Variants in TRIM36 observed in about 807,000 individuals in gnomAD.
TRIM36 encodes the protein E3 ubiquitin-protein ligase TRIM36.
TRIM36 carries 42 observed loss-of-function variants against 72.4 expected under a neutral mutation model. The ratio of observed to expected loss-of-function variants is 0.58; its 90% CI spans 0.45 to 0.75. TRIM36 has a LOEUF of 0.75. Among genes scored for constraint, TRIM36 ranks in the 30% least tolerant of loss-of-function variants. The pLI is 0.00. For synonymous variants in TRIM36, 315 were observed against 282.8 expected (o/e 1.11, Z -1.14); for missense variants, 913 against 857.1 (o/e 1.07, Z -0.81).
chr5:115,160,144 C>T (rs965086628), intron 2 of TRIM36, among the ~76,000 whole-genome samples: 2 of 151,612 alleles, frequency 1.3e-5, no homozygotes, highest in African/African-American at 4.8e-5. Context: ...TTTATTTGTA[C>T]ATAATTTAAT....
intron 1 of TRIM36, among the ~76,000 whole-genome samples, chr5:115,168,063 A>G (rs1754887377): frequency 6.6e-6 from 1 of 152,094 alleles, no homozygotes; most frequent in Non-Finnish European, 1.5e-5. Context: ...CGAAAACAGC[A>G]TGGGGGAAAC....
chr5:115,151,512 C>T (rs372684368), intron 2 of TRIM36, among the ~76,000 whole-genome samples: 1 of 152,210 alleles, frequency 6.6e-6, no homozygotes, highest in East Asian at 1.9e-4. Flanking sequence ...CTGCCTGTTC[C>T]TCCCCCTACC....
chr5:115,148,055 A>AAT (rs1435040606), intron 2 of TRIM36, among the ~76,000 whole-genome samples: 3 of 152,238 alleles, frequency 2.0e-5, no homozygotes, highest in African/African-American at 7.2e-5. Context: ...AGTAGGGAAG[A>AAT]TCATTAGTTA....
chr5:115,169,112 G>A (rs1045568799), intron 1 of TRIM36: 1 of 154,894 alleles, frequency 6.5e-6, no homozygotes, highest in African/African-American at 2.4e-5. Flanking sequence ...CTTGTAGGCT[G>A]ACAGCTGCCG....
At chr5:115,179,426 C>T (rs1348767730) in intron 1 of TRIM36, among the ~76,000 whole-genome samples, 1 of 152,242 alleles carries the variant, frequency 6.6e-6, no homozygotes, top group Non-Finnish European at 1.5e-5. Flanking sequence ...GCAGCAGCAG[C>T]TAAGGACCTG....
intron 2 of TRIM36, among the ~76,000 whole-genome samples, chr5:115,151,034 C>T (rs965032019): frequency 1.3e-5 from 2 of 152,132 alleles, no homozygotes; most frequent in East Asian, 3.9e-4. Flanking sequence ...GCCTCCTGGC[C>T]ACAACTTGGG....
At chr5:115,127,459 G>T (rs975445309) in intron 9 of TRIM36, among the ~76,000 whole-genome samples, 1 of 152,210 alleles carries the variant, frequency 6.6e-6, no homozygotes, top group Non-Finnish European at 1.5e-5. Context: ...TACTTGGGAG[G>T]CTGAGGCATA....
At chr5:115,165,589 C>A (rs1475439328) in intron 1 of TRIM36, among the ~76,000 whole-genome samples, 1 of 152,220 alleles carries the variant, frequency 6.6e-6, no homozygotes, top group Non-Finnish European at 1.5e-5. Context: ...ATGGCAGCTG[C>A]AGCCCATCTG....
intron 7 of TRIM36, among the ~76,000 whole-genome samples, chr5:115,136,235 T>C (rs1377334751): frequency 6.6e-6 from 1 of 151,990 alleles, no homozygotes; most frequent in East Asian, 1.9e-4. Context: ...ATCAGGTCAT[T>C]AGAATGGGCC....
At chr5:115,131,949 G>A in intron 8 of TRIM36, among the ~76,000 whole-genome samples, 1 of 152,106 alleles carries the variant, frequency 6.6e-6, no homozygotes, top group East Asian at 1.9e-4. Flanking sequence ...GGAGGTAAAA[G>A]TGGTGATATT....
upstream of TRIM36, among the ~76,000 whole-genome samples, chr5:115,170,915 C>A (rs1267789214): frequency 6.6e-6 from 1 of 152,258 alleles, no homozygotes; most frequent in Non-Finnish European, 1.5e-5. Flanking sequence ...ATTTCACCTG[C>A]CACGGCCCAA....
chr5:115,171,124 A>T (rs1468614970), upstream of TRIM36: 4 of 1,613,934 alleles, frequency 2.5e-6, no homozygotes, highest in Non-Finnish European at 8.5e-7. Context: ...AATGCTTCCC[A>T]CTTTTATTTC....
intron 7 of TRIM36, among the ~76,000 whole-genome samples, chr5:115,136,305 C>CACACAA (rs55682764): frequency 2.0e-5 from 3 of 152,180 alleles, no homozygotes; most frequent in South Asian, 2.1e-4. Flanking sequence ...CTCACACACA[C>CACACAA]ACAGAGGACC....
intron 1 of TRIM36, among the ~76,000 whole-genome samples, chr5:115,176,201 T>C (rs1755331497): frequency 6.6e-6 from 1 of 152,256 alleles, no homozygotes; most frequent in Non-Finnish European, 1.5e-5. Context: ...AGTTTAGATT[T>C]TAGTTGTGTG....
At chr5:115,131,983 A>G (rs1307362698) in intron 8 of TRIM36, among the ~76,000 whole-genome samples, 1 of 152,180 alleles carries the variant, frequency 6.6e-6, no homozygotes, top group Non-Finnish European at 1.5e-5. Flanking sequence ...AAATGTACTT[A>G]ATGCCAATGA....
At chr5:115,177,885 G>C (rs754409668) in intron 1 of TRIM36, 26 of 1,613,470 alleles carry the variant, frequency 1.6e-5, no homozygotes, top group Admixed American at 3.3e-5. Flanking sequence ...AGTGAAGAGA[G>C]AGACAGAGAG....
chr5:115,171,402 G>C (rs886706169), upstream of TRIM36, among the ~76,000 whole-genome samples: 1 of 152,224 alleles, frequency 6.6e-6, no homozygotes, highest in Non-Finnish European at 1.5e-5. Context: ...ACTTGGGAAG[G>C]CTTCCTTCCC....
At chr5:115,164,475 A>T (rs1185250720) in intron 1 of TRIM36, among the ~76,000 whole-genome samples, 1 of 152,210 alleles carries the variant, frequency 6.6e-6, no homozygotes, top group Non-Finnish European at 1.5e-5. Flanking sequence ...GAAACTTACA[A>T]TCATGGCAGA....
At chr5:115,133,810 G>T in intron 8 of TRIM36, 50 bp downstream of exon 8, 4 of 1,507,966 alleles carry the variant, frequency 2.7e-6, no homozygotes, top group Non-Finnish European at 3.5e-6. Context: ...TTTTATCAAG[G>T]TCTCTTGCAA....
Sources: gnomAD v4.1 joint callset for allele counts (sites outside exome capture counted in the v4.1 genomes callset) on GRCh38, gnomAD v4.1.1 for gene constraint, MANE v1.5 for transcripts, NCBI Gene and HGNC (gene_info 2026-07-23, HGNC 2026-07-21) for gene names.